Variants in GNAS observed in about 807,000 individuals in gnomAD.
GNAS encodes GNAS complex locus, also known as protein ALEX.
A neutral mutation model predicts 54.5 loss-of-function variants in GNAS; 8 were observed. The observed-to-expected ratio is 0.15, with a 90% CI of 0.09 to 0.26. GNAS has a LOEUF of 0.26. Among genes scored for constraint, GNAS ranks in the 10% least tolerant of loss-of-function variants. The pLI is 1.00. For synonymous variants in GNAS, 204 were observed against 191.4 expected (o/e 1.07, Z -0.54); for missense variants, 170 against 529.8 (o/e 0.32, Z 6.67).
At chr20:58,895,481 C>T (rs2089957136) in intron 1 of GNAS, 131 bp from the exon 2 acceptor site, 1 of 710,330 alleles carries the variant, frequency 1.4e-6, no homozygotes, top group Non-Finnish European at 2.6e-6. Flanking sequence ...AGGAAAGTTG[C>T]AAGTCTGTGA....
chr20:58,888,095 G>A (rs972504849), upstream of GNAS, among the ~76,000 whole-genome samples: 2 of 152,194 alleles, frequency 1.3e-5, no homozygotes, highest in African/African-American at 2.4e-5. Flanking sequence ...CCATTTATAG[G>A]TAGACTTTTC....
rs1453499777 is a variant in GNAS at position 58,891,704 on chromosome 20, G to C, written c.-23G>C. 9.6e-7 allele frequency: 1 copy of C among 1,045,616 alleles called. No homozygotes were observed. The highest frequency in any genetic ancestry group is 1.9e-5 in the African/African-American group (1 of 53,396). 64.8% of individuals were successfully genotyped at this position (1,045,616 alleles called of 1,614,324 possible). A position where few individuals can be genotyped will look rare whatever the true frequency, so the allele number is the denominator to read the frequency against. On this transcript the variant is annotated 5_prime_UTR_variant, in exon 1 of 13. Transcript: ENST00000371085. ...CCCGCCGCCGCCGCAGCCCGGCCGC[G>C]CCCCGCCGCCGCCGCCGCCGCCATG... is the stretch of plus-strand genomic sequence containing the variant.
chr20:58,895,695 A>C lies in GNAS; in HGVS notation c.212+11A>C, dbSNP rs751794179. On this transcript the variant is annotated intron_variant, in intron 2 of 12. Transcript: ENST00000371085. ...TGGGTTTAATGGAGAGTAAGTGTCAAATCTGTGCAGGGGGGCACCAAGTAA... is the reference window on the plus strand; with the variant it reads ...TGGGTTTAATGGAGAGTAAGTGTCACATCTGTGCAGGGGGGCACCAAGTAA... 1 of 1,485,986 alleles carries C rather than the reference A, an allele frequency of 6.7e-7. No individual in the cohort carries two copies. The highest frequency in any genetic ancestry group is 9.4e-7 in the Non-Finnish European group (1 of 1,062,548). 92.1% of individuals were successfully genotyped at this position (1,485,986 alleles called of 1,614,324 possible). A position where few individuals can be genotyped will look rare whatever the true frequency, so the allele number is the denominator to read the frequency against.
At chr20:58,848,992 T>A (rs2086048104) in intron 1 of GNAS, 1 of 398,240 alleles carries the variant, frequency 2.5e-6, no homozygotes, top group Non-Finnish European at 4.4e-6. Flanking sequence ...TTCCTAGTCT[T>A]AATTTATCTT....
In GNAS at chr20:58,854,285, C is replaced by T. The variant is rs370880808; in HGVS notation, c.43+13399C>T. 1.3e-4 allele frequency: 208 copies of T among 1,609,570 alleles called. No individual in the cohort carries two copies. The highest frequency in any genetic ancestry group is 1.7e-4 in the Non-Finnish European group (199 of 1,178,402). ...TTGACGGCCCGCCCATCAAGGTCTC[C>T]GGAGCCCCAGATAAGAGAGAGCGAG... On this transcript the variant is annotated intron_variant, in intron 1 of 12. Coordinates refer to the GNAS transcript ENST00000306090.
intron 1 of GNAS, among the ~76,000 whole-genome samples, chr20:58,874,126 ATAGACCTCCCTGTTGATAGGG>A (rs1462141332): frequency 3.3e-5 from 5 of 152,324 alleles, no homozygotes; most frequent in African/African-American, 1.2e-4. Context: ...TAGTCACAGG[ATAGACCTCCCTGTTGATAGGG>A]TAGACCTCCC....
intron 1 of GNAS, chr20:58,852,953 A>G (rs1321879967): frequency 1.9e-6 from 2 of 1,065,432 alleles, no homozygotes; most frequent in Middle Eastern, 3.9e-4. Flanking sequence ...ACTGGCCTGG[A>G]GCAAAAAGAA....
intron 1 of GNAS, among the ~76,000 whole-genome samples, chr20:58,858,504 T>C (rs2086612711): frequency 6.6e-6 from 1 of 152,258 alleles, no homozygotes; most frequent in Non-Finnish European, 1.5e-5. Context: ...TCCATGTTTC[T>C]GTTACGTTTT....
At chr20:58,905,295 G>C (rs2090964582) in intron 5 of GNAS, 88 bp from the exon 6 acceptor site, 4 of 806,092 alleles carry the variant, frequency 5.0e-6, no homozygotes, top group Non-Finnish European at 8.9e-6. Context: ...GGTCACATAG[G>C]GAACTCTGGT....
rs976117191 is a variant in GNAS at position 58,907,099 on chromosome 20, T to C, written c.530+1619T>C. 5.3e-5 allele frequency among the ~76,000 whole-genome samples: 8 copies of C among 152,290 alleles called. No homozygotes were observed. In the East Asian group the frequency reaches 1.2e-3, roughly 22 times the overall value. ...GTAGCCTCAAGCCCAAGGAACTGAT[T>C]GTGAAAACCACCTGAATAAACAGGA... is the stretch of plus-strand genomic sequence containing the variant. On this transcript the variant is annotated intron_variant, in intron 6 of 12. Transcript: ENST00000371085.
rs2087574550 is a variant in GNAS at position 58,873,071 on chromosome 20, A to T, written c.44-22541A>T. Among the ~76,000 whole-genome samples the T allele has an allele frequency of 6.6e-6, 1 of 152,158 alleles. No homozygotes were observed. Among genetic ancestry groups the T allele is most frequent in the African/African-American group, 2.4e-5 (1 of 41,434 alleles). ...GTTCAGACTCTCCCCAAGCACCAAGAGTTAGAAATGTGTTGCTAATTGATT... is the reference window on the plus strand; with the variant it reads ...GTTCAGACTCTCCCCAAGCACCAAGTGTTAGAAATGTGTTGCTAATTGATT... On this transcript the variant is annotated intron_variant, in intron 1 of 12. Coordinates refer to the GNAS transcript ENST00000306090. This position sits in a 1 kb window ranked among gnomAD's most constrained non-coding sequence, Gnocchi z 4.3.
intron 6 of GNAS, among the ~76,000 whole-genome samples, chr20:58,908,519 A>G (rs760461028): frequency 1.3e-5 from 2 of 152,002 alleles, no homozygotes; most frequent in Non-Finnish European, 2.9e-5. Context: ...CTCAGTAACT[A>G]AAACAATCTC....
intron 6 of GNAS, among the ~76,000 whole-genome samples, chr20:58,908,615 T>A (rs1387506310): frequency 6.6e-6 from 1 of 152,148 alleles, no homozygotes; most frequent in Non-Finnish European, 1.5e-5. Context: ...GTATACAATT[T>A]TCAAACTGTT....
chr20:58,908,161 A>T (rs913885416), intron 6 of GNAS, among the ~76,000 whole-genome samples: 1 of 152,194 alleles, frequency 6.6e-6, no homozygotes, highest in African/African-American at 2.4e-5. Flanking sequence ...TTCTCTCTTT[A>T]TGATTTTCTT....
At chr20:58,874,757 C>G (rs1410881158) in intron 1 of GNAS, among the ~76,000 whole-genome samples, 1 of 152,110 alleles carries the variant, frequency 6.6e-6, no homozygotes, top group Non-Finnish European at 1.5e-5. Context: ...CTGGCCTGCC[C>G]TCTATCTTAG....
At chr20:58,898,897 C>G in intron 2 of GNAS, 44 bp from the exon 3 acceptor site, 2 of 1,538,722 alleles carry the variant, frequency 1.3e-6, no homozygotes, top group South Asian at 2.2e-5. Context: ...TGTGACACTG[C>G]GGTGCCTTGC....
chr20:58,852,439 G>A (rs980295027), intron 1 of GNAS, among the ~76,000 whole-genome samples: 1 of 152,164 alleles, frequency 6.6e-6, no homozygotes, highest in Non-Finnish European at 1.5e-5. Context: ...GCATCCCTAC[G>A]CGTGCCTGCG....
chr20:58,888,745 T>C (rs1013517210), upstream of GNAS: 3 of 152,076 alleles, frequency 2.0e-5, no homozygotes, highest in African/African-American at 7.2e-5. Flanking sequence ...GCGTCGCAAA[T>C]AATTCGAATT....
At chr20:58,897,765 T>G (rs2090202567) in intron 2 of GNAS, 1 of 152,232 alleles carries the variant, frequency 6.6e-6, no homozygotes, top group Non-Finnish European at 1.5e-5. Context: ...ACAGGGGTAT[T>G]CCTCATGGGA....
Sources: gnomAD v4.1 joint callset for allele counts (sites outside exome capture counted in the v4.1 genomes callset) on GRCh38, gnomAD v4.1.1 for gene constraint, Gnocchi (gnomAD v3.1) non-coding constraint, MANE v1.5 for transcripts, NCBI Gene and HGNC (gene_info 2026-07-23, HGNC 2026-07-21) for gene names.